The following LRRC3B variants were observed in gnomAD, a reference collection of about 807,000 sequenced individuals.
LRRC3B encodes leucine rich repeat containing 3B, also known as leucine-rich repeat-containing protein 3B.
LRRC3B carries 2 observed loss-of-function variants against 12.8 expected under a neutral mutation model. The observed-to-expected ratio is 0.16, with a 90% CI of 0.06 to 0.49. The LOEUF is 0.49. LRRC3B is among the 20% of genes least tolerant of loss of function. The probability of loss-of-function intolerance (pLI) is 0.96; values close to 1 mark genes in which losing one functional copy is unlikely to be tolerated. For missense variants in LRRC3B, 189 were observed against 319.4 expected, an observed-to-expected ratio of 0.59 and a Z score of 3.11; for synonymous variants, 132 against 122.0, an observed-to-expected ratio of 1.08 and a Z score of -0.54.
intron 1 of LRRC3B, among the ~76,000 whole-genome samples, chr3:26,634,171 C>T (rs947036345): frequency 8.9e-4 from 136 of 152,218 alleles, no homozygotes; most frequent in African/African-American, 3.1e-3. Context: ...GTTTCTTCAG[C>T]TCTCTGAGCC....
intron 1 of LRRC3B, among the ~76,000 whole-genome samples, chr3:26,680,582 G>A (rs761966432): frequency 7.9e-5 from 12 of 152,278 alleles, no homozygotes; most frequent in South Asian, 4.1e-4. Context: ...ACGCCTCTCC[G>A]TCATTCCATG....
chr3:26,667,705 T>G (rs1699636254), intron 1 of LRRC3B, among the ~76,000 whole-genome samples: 1 of 152,168 alleles, frequency 6.6e-6, no homozygotes, highest in Non-Finnish European at 1.5e-5. Flanking sequence ...TTATATCTCA[T>G]TGGACAAAAC....
intron 1 of LRRC3B, among the ~76,000 whole-genome samples, chr3:26,658,667 C>T (rs866237954): frequency 1.3e-5 from 2 of 152,180 alleles, no homozygotes; most frequent in Admixed American, 1.3e-4. Context: ...AACCAGGCTG[C>T]GCCTGTGAAA....
chr3:26,650,698 G>A (rs929390984), intron 1 of LRRC3B, among the ~76,000 whole-genome samples: 3 of 151,948 alleles, frequency 2.0e-5, no homozygotes, highest in Non-Finnish European at 4.4e-5. Context: ...ATGTATGCAA[G>A]CTCCAAATAG....
chr3:26,637,806 C>T (rs6783406), intron 1 of LRRC3B, among the ~76,000 whole-genome samples: 8,455 of 152,220 alleles, frequency 0.056, 569 homozygotes, highest in East Asian at 0.16. Flanking sequence ...ACAGAATTTA[C>T]AACATTATGG....
intron 1 of LRRC3B, among the ~76,000 whole-genome samples, chr3:26,652,906 T>G (rs1276226365): frequency 6.6e-6 from 1 of 152,172 alleles, no homozygotes; most frequent in Non-Finnish European, 1.5e-5. Flanking sequence ...CTTGTCTATA[T>G]CCATACCTAT....
At chr3:26,658,774 G>A (rs9824916) in intron 1 of LRRC3B, among the ~76,000 whole-genome samples, 46,797 of 152,182 alleles carry the variant, frequency 0.31, 9,448 homozygotes, top group African/African-American at 0.56. Context: ...GTCATTGTGA[G>A]TTTGCATAAT....
At chr3:26,653,132 A>G (rs971954820) in intron 1 of LRRC3B, among the ~76,000 whole-genome samples, 1 of 151,778 alleles carries the variant, frequency 6.6e-6, no homozygotes, top group African/African-American at 2.4e-5. Context: ...GTCAGATATC[A>G]GGTAAGGTGC....
intron 1 of LRRC3B, among the ~76,000 whole-genome samples, chr3:26,677,731 T>C (rs1699889390): frequency 6.6e-6 from 1 of 152,222 alleles, no homozygotes; most frequent in Admixed American, 6.5e-5. Context: ...CACATTCTTA[T>C]TGTCAGTCAA....
intron 1 of LRRC3B, among the ~76,000 whole-genome samples, chr3:26,674,444 T>A (rs899269052): frequency 6.6e-6 from 1 of 152,122 alleles, no homozygotes; most frequent in African/African-American, 2.4e-5. Context: ...GACTTAGTAC[T>A]TGGCTTCTAT....
At chr3:26,703,799 C>T (rs1419566202) in intron 1 of LRRC3B, among the ~76,000 whole-genome samples, 1 of 151,704 alleles carries the variant, frequency 6.6e-6, no homozygotes, top group East Asian at 1.9e-4. Context: ...ACATGTACTG[C>T]TTTTAATAAT....
chr3:26,656,663 A>T (rs538165465), intron 1 of LRRC3B, among the ~76,000 whole-genome samples: 1 of 152,356 alleles, frequency 6.6e-6, no homozygotes, highest in Admixed American at 6.5e-5. Flanking sequence ...AGAGACCCGT[A>T]TTAGGGAAGG....
chr3:26,682,691 C>T (rs1699995691), intron 1 of LRRC3B, among the ~76,000 whole-genome samples: 1 of 152,156 alleles, frequency 6.6e-6, no homozygotes, highest in Non-Finnish European at 1.5e-5. Flanking sequence ...CTTTTAAGTA[C>T]CACTGGGCCT....
chr3:26,635,993 C>A (rs575965055), intron 1 of LRRC3B, among the ~76,000 whole-genome samples: 9 of 152,164 alleles, frequency 5.9e-5, no homozygotes, highest in Admixed American at 1.3e-4. Flanking sequence ...CATACACACA[C>A]CCCAAAATAT....
chr3:26,626,539 C>T (rs1698629667), intron 1 of LRRC3B, among the ~76,000 whole-genome samples: 1 of 152,128 alleles, frequency 6.6e-6, no homozygotes, highest in Non-Finnish European at 1.5e-5. Flanking sequence ...TGCCTTTTGA[C>T]CCTTGCTCAA....
At chr3:26,637,021 C>T (rs958831163) in intron 1 of LRRC3B, among the ~76,000 whole-genome samples, 3 of 124,238 alleles carry the variant, frequency 2.4e-5, no homozygotes, top group South Asian at 2.6e-4. Flanking sequence ...TCTTTTGAGA[C>T]GGAGTCTAAC....
At chr3:26,710,325 T>C in exon 2 of LRRC3B, 2 of 1,614,030 alleles carry the variant, frequency 1.2e-6, no homozygotes, top group East Asian at 2.2e-5. Flanking sequence ...ACTATGGTGA[T>C]CTCATATGTG....
At chr3:26,640,620 A>G (rs1368936199) in intron 1 of LRRC3B, among the ~76,000 whole-genome samples, 1 of 152,190 alleles carries the variant, frequency 6.6e-6, no homozygotes. Flanking sequence ...TTTTTAAAAT[A>G]TGGGACTGGG....
intron 1 of LRRC3B, among the ~76,000 whole-genome samples, chr3:26,698,456 TG>T (rs1700373703): frequency 6.6e-6 from 1 of 152,108 alleles, no homozygotes; most frequent in Non-Finnish European, 1.5e-5. Flanking sequence ...CATTTCACCT[TG>T]GGTTTCCATT....
Sources: allele counts gnomAD v4.1 joint callset (sites outside exome capture counted in the v4.1 genomes callset), GRCh38; gene constraint gnomAD v4.1.1; transcripts MANE v1.5; gene names NCBI Gene and HGNC (gene_info 2026-07-23, HGNC 2026-07-21).